The following TMEM132E variants were observed in gnomAD, a reference collection of about 807,000 sequenced individuals.
The protein encoded by TMEM132E is transmembrane protein 132E.
A neutral mutation model predicts 78.5 loss-of-function variants in TMEM132E; 49 were observed. That is an observed-to-expected ratio of 0.62 (90% confidence interval 0.50 to 0.79). TMEM132E has a LOEUF of 0.79. TMEM132E is among the 30% of genes least tolerant of loss of function. TMEM132E has a pLI of 0.00. For synonymous variants in TMEM132E, 715 were observed against 670.6 expected (o/e 1.07, Z -1.02); for missense variants, 1,403 against 1,470.9 (o/e 0.95, Z 0.75).
At chr17:34,613,211 A>ACACACGCGCGCGCGCGCGCG in intron 1 of TMEM132E, among the ~76,000 whole-genome samples, 5 of 115,856 alleles carry the variant, frequency 4.3e-5, no homozygotes, top group Non-Finnish European at 7.3e-5. Context: ...ACACACACAC[A>ACACACGCGCGCGCGCGCGCG]CGCGCGCGCG....
chr17:34,613,211 A>ACACACACGCGCGCGCGCGCGCGCGCG, intron 1 of TMEM132E, among the ~76,000 whole-genome samples: 1 of 115,856 alleles, frequency 8.6e-6, no homozygotes, highest in African/African-American at 2.9e-5. Flanking sequence ...ACACACACAC[A>ACACACACGCGCGCGCGCGCGCGCGCG]CGCGCGCGCG....
chr17:34,623,243 G>A (rs12948091), intron 1 of TMEM132E, among the ~76,000 whole-genome samples: 4,706 of 152,262 alleles, frequency 0.031, 104 homozygotes, highest in Non-Finnish European at 0.047. Context: ...TCTGAGTCCG[G>A]TGCCCATCTG....
chr17:34,626,749 C>A lies in TMEM132E; in HGVS notation c.690C>A (p.Ala230=). ...AGGCGACGGGGGAGAGCCAGCAGGCCGAGCTCTACTACACGCTCCACGCCC... is the reference window on the plus strand; with the variant it reads ...AGGCGACGGGGGAGAGCCAGCAGGCAGAGCTCTACTACACGCTCCACGCCC... The part of the protein sequence containing the change: ...EPEATGESQQ[A]ELYYTLHAPD... The change falls in exon 2 of 9, where the codon GCC becomes GCA. Residue 230 remains alanine (A), a synonymous_variant. Coordinates refer to ENST00000631683, the MANE Select transcript of TMEM132E (RefSeq NM_001304438.2). 2 of 1,390,566 alleles carry A rather than the reference C, an allele frequency of 1.4e-6. No homozygotes were observed. Among genetic ancestry groups the A allele is most frequent in the Non-Finnish European group, 9.5e-7 (1 of 1,053,382 alleles). The allele number at this position is 1,390,566 out of a possible 1,614,324, so 86.1% of individuals were successfully genotyped here.
At position 34,604,376 on chromosome 17, in the gene TMEM132E, C is replaced by T. The variant is rs563929686; in HGVS notation, c.68-21751C>T. On this transcript the variant is annotated intron_variant, in intron 1 of 8. Coordinates refer to ENST00000631683, the MANE Select transcript of TMEM132E (RefSeq NM_001304438.2). Reference sequence around the variant, plus strand: ...CCAGCACACCATCCGCCAAGAGAGCCCTTCCCAAAATGAAAATCTGACCAT... The same window carrying T: ...CCAGCACACCATCCGCCAAGAGAGCTCTTCCCAAAATGAAAATCTGACCAT... 1.7e-3 allele frequency among the ~76,000 whole-genome samples: 265 copies of T among 152,286 alleles called. 2 individuals are homozygous for T. Among genetic ancestry groups the T allele is most frequent in the African/African-American group, 6.1e-3 (254 of 41,562 alleles).
intron 1 of TMEM132E, among the ~76,000 whole-genome samples, chr17:34,594,375 C>T (rs146572117): frequency 6.6e-6 from 1 of 152,328 alleles, no homozygotes; most frequent in Non-Finnish European, 1.5e-5. Context: ...CCTTCATTCA[C>T]TCATTAACAC....
intron 1 of TMEM132E, among the ~76,000 whole-genome samples, chr17:34,612,404 A>G (rs1008831988): frequency 1.6e-4 from 25 of 152,126 alleles, no homozygotes; most frequent in Non-Finnish European, 3.2e-4. Context: ...CCAACTGGAA[A>G]TGCCCTGGCT....
At chr17:34,625,540 T>A (rs1410196609) in intron 1 of TMEM132E, among the ~76,000 whole-genome samples, 1 of 152,188 alleles carries the variant, frequency 6.6e-6, no homozygotes, top group African/African-American at 2.4e-5. Context: ...TGTAAGATGT[T>A]AGGATTGGCA....
chr17:34,587,107 A>G (rs895010196), intron 1 of TMEM132E, among the ~76,000 whole-genome samples: 14 of 152,116 alleles, frequency 9.2e-5, no homozygotes, highest in African/African-American at 3.4e-4. Context: ...GGAGCTGGAG[A>G]ATGAGGTTAC....
At chr17:34,593,794 C>G (rs553199692) in intron 1 of TMEM132E, among the ~76,000 whole-genome samples, 106 of 152,362 alleles carry the variant, frequency 7.0e-4, no homozygotes, top group African/African-American at 2.4e-3. Context: ...CTCAGAACCA[C>G]CTCACTGAGA....
intron 2 of TMEM132E, among the ~76,000 whole-genome samples, chr17:34,627,262 G>A (rs561840433): frequency 2.0e-5 from 3 of 152,316 alleles, no homozygotes; most frequent in Admixed American, 1.3e-4. Flanking sequence ...CTGTCTAATG[G>A]CAACAAACAT....
chr17:34,637,676 G>T lies in TMEM132E; in HGVS notation c.2669G>T (p.Gly890Val). The change falls in exon 9 of 9, where the codon GGC (glycine) becomes GTC (valine). Residue 890 changes from glycine (G) to valine (V), a missense_variant. Physicochemically the swap from Gly to Val is moderately radical, Grantham distance 109. Transcript: ENST00000631683. ...CGGGGTCTGACAGACCTGGAGATCG[G>T]CATGTACGCGCTGCTGGGCGTCTTC... The part of the protein sequence containing the change: ...VPRGLTDLEI[G>V]MYALLGVFCL... 6.2e-7 allele frequency: 1 copy of T among 1,610,464 alleles called. No homozygotes were observed. The highest frequency in any genetic ancestry group is 8.5e-7 in the Non-Finnish European group (1 of 1,179,970).
intron 1 of TMEM132E, among the ~76,000 whole-genome samples, chr17:34,583,272 C>T (rs975340893): frequency 1.3e-5 from 2 of 152,352 alleles, no homozygotes; most frequent in Middle Eastern, 3.4e-3. Context: ...CCCTACTGAG[C>T]GGACATTTCC....
chr17:34,594,144 T>C (rs1949386081), intron 1 of TMEM132E, among the ~76,000 whole-genome samples: 1 of 152,206 alleles, frequency 6.6e-6, no homozygotes, highest in South Asian at 2.1e-4. Flanking sequence ...TCCATTGGAA[T>C]GGAAGCCCTT....
intron 1 of TMEM132E, among the ~76,000 whole-genome samples, chr17:34,613,652 C>T (rs965741987): frequency 3.3e-5 from 5 of 152,108 alleles, no homozygotes; most frequent in Non-Finnish European, 7.4e-5. Flanking sequence ...CTAGCTTTCT[C>T]TCCCTCTCCC....
At chr17:34,614,027 G>A (rs547995891) in intron 1 of TMEM132E, among the ~76,000 whole-genome samples, 1 of 152,054 alleles carries the variant, frequency 6.6e-6, no homozygotes, top group Non-Finnish European at 1.5e-5. Flanking sequence ...CCCTTCCCTC[G>A]TGGTCATCCT....
chr17:34,610,180 A>G (rs1174454185), intron 1 of TMEM132E, among the ~76,000 whole-genome samples: 1 of 152,190 alleles, frequency 6.6e-6, no homozygotes, highest in Non-Finnish European at 1.5e-5. Context: ...CCTACCTTTT[A>G]GCATGGTTAT....
chr17:34,599,501 G>T (rs1454490119), intron 1 of TMEM132E, among the ~76,000 whole-genome samples: 1 of 152,184 alleles, frequency 6.6e-6, no homozygotes, highest in Non-Finnish European at 1.5e-5. Context: ...TGCCAGCAGT[G>T]GGTGGAGGGG....
At chr17:34,606,887 T>A (rs1258757089) in intron 1 of TMEM132E, among the ~76,000 whole-genome samples, 1 of 152,134 alleles carries the variant, frequency 6.6e-6, no homozygotes, top group African/African-American at 2.4e-5. Context: ...GCTCTCTCTC[T>A]GCTCCTTTCC....
At chr17:34,614,801 C>T (rs1906722297) in intron 1 of TMEM132E, 1 of 152,338 alleles carries the variant, frequency 6.6e-6, no homozygotes. Context: ...GTCCCTGCCC[C>T]TAGAGGTCCA....
Sources: allele counts gnomAD v4.1 joint callset (sites outside exome capture counted in the v4.1 genomes callset), GRCh38; gene constraint gnomAD v4.1.1; transcripts MANE v1.5; gene names NCBI Gene and HGNC (gene_info 2026-07-23, HGNC 2026-07-21).